The following PLAC1 variants were observed in gnomAD, a reference collection of about 807,000 sequenced individuals.
PLAC1 encodes the protein placenta associated 1.
For synonymous variants in PLAC1, 68 were observed against 62.1 expected (o/e 1.09, Z -0.44); for missense variants, 136 against 163.2 (o/e 0.83, Z 0.91).
intron 2 of PLAC1, among the ~76,000 whole-genome samples, chrX:134,680,454 GGT>G (rs975916768): frequency 9.0e-6 from 1 of 110,672 alleles, no homozygotes; most frequent in African/African-American, 3.3e-5. Flanking sequence ...AAAAGAAGAG[GGT>G]CCTGCCTGAA....
intron 1 of PLAC1, among the ~76,000 whole-genome samples, chrX:134,741,657 G>A (rs978925426): frequency 9.8e-6 from 1 of 101,542 alleles, no homozygotes; most frequent in South Asian, 4.7e-4. Flanking sequence ...TATATAGTTT[G>A]TCTGTTATTT....
intron 1 of PLAC1, among the ~76,000 whole-genome samples, chrX:134,758,762 C>G (rs766016907): frequency 8.9e-6 from 1 of 111,856 alleles, no homozygotes; most frequent in South Asian, 3.7e-4. Context: ...AAAGCACAGG[C>G]AACAAAAACA....
chrX:134,752,991 T>G (rs915248591), intron 1 of PLAC1, among the ~76,000 whole-genome samples: 1 of 111,810 alleles, frequency 8.9e-6, no homozygotes, highest in Non-Finnish European at 1.9e-5. Context: ...AGGCAGATTG[T>G]TTGGGCCAGC....
At chrX:134,668,038 G>A (rs760750229) in intron 2 of PLAC1, among the ~76,000 whole-genome samples, 1 of 111,679 alleles carries the variant, frequency 9.0e-6, no homozygotes, top group African/African-American at 3.3e-5. Context: ...ACTTGTACAC[G>A]AATGTTCATA....
At chrX:134,582,396 G>A (rs2077978985) in intron 2 of PLAC1, among the ~76,000 whole-genome samples, 1 of 111,940 alleles carries the variant, frequency 8.9e-6, no homozygotes, top group Non-Finnish European at 1.9e-5. Flanking sequence ...TCTCTTTTAA[G>A]CCTCTCCTTT....
chrX:134,637,220 T>A (rs967002516), intron 1 of PLAC1, among the ~76,000 whole-genome samples: 1 of 110,957 alleles, frequency 9.0e-6, no homozygotes, highest in Admixed American at 9.5e-5. Context: ...CACCCAGGGG[T>A]GTGTGTAGCC....
intron 1 of PLAC1, among the ~76,000 whole-genome samples, chrX:134,743,853 A>G (rs1199314880): frequency 8.9e-6 from 1 of 112,603 alleles, no homozygotes; most frequent in Non-Finnish European, 1.9e-5. Flanking sequence ...AAAATAAGTT[A>G]TCTTGATCTG....
chrX:134,719,561 G>C (rs922581094), intron 2 of PLAC1, among the ~76,000 whole-genome samples: 3 of 111,534 alleles, frequency 2.7e-5, no homozygotes, highest in African/African-American at 9.8e-5. Context: ...AGGCCGAGGC[G>C]GGTGGATCAC....
At chrX:134,740,660 G>C (rs757512234) in intron 1 of PLAC1, among the ~76,000 whole-genome samples, 1 of 111,875 alleles carries the variant, frequency 8.9e-6, no homozygotes, top group South Asian at 3.7e-4. Flanking sequence ...CTAAGTTAAG[G>C]CTCTCAAGAT....
intron 2 of PLAC1, among the ~76,000 whole-genome samples, chrX:134,675,639 C>T (rs1008218133): frequency 3.7e-5 from 4 of 107,441 alleles, no homozygotes; most frequent in African/African-American, 6.8e-5. Context: ...CACTCCAGCC[C>T]GGGCAACAAG....
chrX:134,738,790 C>T, intron 1 of PLAC1, among the ~76,000 whole-genome samples: 1 of 112,420 alleles, frequency 8.9e-6, no homozygotes, highest in East Asian at 2.8e-4. Context: ...CACCAAAATG[C>T]CAGAGTAGAG....
intron 2 of PLAC1, among the ~76,000 whole-genome samples, chrX:134,582,934 C>T (rs1179095342): frequency 1.8e-5 from 2 of 111,310 alleles, no homozygotes; most frequent in Admixed American, 9.6e-5. Flanking sequence ...AATAAGACGG[C>T]GCTAACTAAC....
At chrX:134,681,270 A>G (rs914060977) in intron 2 of PLAC1, among the ~76,000 whole-genome samples, 2 of 111,483 alleles carry the variant, frequency 1.8e-5, no homozygotes, top group African/African-American at 3.3e-5. Context: ...TGAGATTTAA[A>G]TGAGTGGTAA....
chrX:134,643,198 T>C (rs2078315502), intron 1 of PLAC1, among the ~76,000 whole-genome samples: 1 of 111,585 alleles, frequency 9.0e-6, no homozygotes, highest in Non-Finnish European at 1.9e-5. Context: ...TGGGATACTT[T>C]ACCAAAATTG....
At chrX:134,737,090 C>T (rs767319401) in intron 1 of PLAC1, among the ~76,000 whole-genome samples, 14 of 112,480 alleles carry the variant, frequency 1.2e-4, no homozygotes, top group Non-Finnish European at 1.7e-4. Flanking sequence ...ATGTTGGAAT[C>T]GTCTTCCCAC....
At chrX:134,616,260 G>A (rs1008269427) in intron 1 of PLAC1, among the ~76,000 whole-genome samples, 5 of 111,589 alleles carry the variant, frequency 4.5e-5, no homozygotes, top group Non-Finnish European at 9.4e-5. Flanking sequence ...GGAGTTACAG[G>A]CATGAGCCAC....
At chrX:134,629,845 G>A (rs1468790918) in intron 1 of PLAC1, among the ~76,000 whole-genome samples, 4 of 111,693 alleles carry the variant, frequency 3.6e-5, no homozygotes, top group Non-Finnish European at 5.6e-5. Flanking sequence ...GGAGGTAACT[G>A]AGCTGAGGTG....
At chrX:134,625,919 G>A (rs1413044158) in intron 1 of PLAC1, among the ~76,000 whole-genome samples, 3 of 110,938 alleles carry the variant, frequency 2.7e-5, no homozygotes, top group African/African-American at 6.6e-5. Context: ...GCTGAAACTC[G>A]CAGGCTATCA....
At chrX:134,593,368 C>T (rs1037366125) in intron 2 of PLAC1, among the ~76,000 whole-genome samples, 1 of 112,181 alleles carries the variant, frequency 8.9e-6, no homozygotes, top group Non-Finnish European at 1.9e-5. Flanking sequence ...CTTTTTCAAA[C>T]TTGCTTTAGC....
Sources: allele counts gnomAD v4.1 joint callset (sites outside exome capture counted in the v4.1 genomes callset), GRCh38; gene constraint gnomAD v4.1.1; transcripts MANE v1.5; gene names NCBI Gene and HGNC (gene_info 2026-07-23, HGNC 2026-07-21).